Variants in NCAM2 observed in about 807,000 individuals in gnomAD.
The protein encoded by NCAM2 is N-CAM-2.
NCAM2 carries 30 observed loss-of-function variants against 98.1 expected under a neutral mutation model. The ratio of observed to expected loss-of-function variants is 0.31; its 90% CI spans 0.23 to 0.41. NCAM2 has a LOEUF of 0.41. NCAM2 is among the 10% of genes least tolerant of loss of function. The probability of loss-of-function intolerance (pLI) is 1.00; values close to 1 mark genes in which losing one functional copy is unlikely to be tolerated. For synonymous variants in NCAM2, 368 were observed against 342.4 expected (o/e 1.07, Z -0.83); for missense variants, 867 against 1,005.8 (o/e 0.86, Z 1.87).
chr21:21,438,337 A>C (rs1978699434), intron 12 of NCAM2, among the ~76,000 whole-genome samples: 1 of 152,058 alleles, frequency 6.6e-6, no homozygotes, highest in Admixed American at 6.6e-5. Flanking sequence ...GTAGATTCTA[A>C]TCTTAAATAA....
rs750515325 is a variant in NCAM2 at position 21,538,871 on chromosome 21, A to T, written c.*914A>T. ...AAGTCTTTAGTGTTCAAATACTTCA[A>T]ATCATATCCTCAGATATATTTTTAG... On this transcript the variant is annotated 3_prime_UTR_variant, in exon 18 of 18. Transcript: ENST00000400546. 1 of 152,162 alleles carries T rather than the reference A, an allele frequency of 6.6e-6. No individual in the cohort carries two copies. The highest frequency in any genetic ancestry group is 2.1e-4 in the South Asian group (1 of 4,832). 9.4% of individuals were successfully genotyped at this position (152,162 alleles called of 1,614,324 possible). A position where few individuals can be genotyped will look rare whatever the true frequency, so the allele number is the denominator to read the frequency against.
chr21:21,345,505 C>G (rs2075163077), intron 8 of NCAM2, among the ~76,000 whole-genome samples: 1 of 151,884 alleles, frequency 6.6e-6, no homozygotes, highest in Non-Finnish European at 1.5e-5. Context: ...GCATTAGAGT[C>G]CTTTAATAGC....
Position 21,472,994 on chromosome 21 carries a change from G to A in NCAM2, c.1896+4211G>A, listed in dbSNP as rs950428688. On this transcript the variant is annotated intron_variant, in intron 14 of 17. Coordinates refer to ENST00000400546, the MANE Select transcript of NCAM2 (RefSeq NM_004540.5). The stretch of plus-strand genomic sequence containing the variant: ...CACACACACACACACACACACACAC[G>A]CACACATACACACACACACACGTAT... 1.7e-4 allele frequency among the ~76,000 whole-genome samples: 20 copies of A among 115,828 alleles called. No individual in the cohort carries two copies. In the East Asian group the frequency reaches 1.8e-3, roughly 11 times the overall value. 76.0% of individuals were successfully genotyped at this position (115,828 alleles called of 152,430 possible).
intron 9 of NCAM2, among the ~76,000 whole-genome samples, chr21:21,395,234 T>G (rs1224041711): frequency 6.6e-6 from 1 of 152,006 alleles, no homozygotes; most frequent in East Asian, 1.9e-4. Flanking sequence ...CTTGGGAGGC[T>G]GAGGTAGGAG....
At chr21:21,393,442 C>T (rs1471298654) in intron 9 of NCAM2, among the ~76,000 whole-genome samples, 1 of 152,058 alleles carries the variant, frequency 6.6e-6, no homozygotes, top group Non-Finnish European at 1.5e-5. Context: ...AACGGTTGTC[C>T]TGTACAATTT....
chr21:21,347,569 A>C (rs1256176054), intron 8 of NCAM2, among the ~76,000 whole-genome samples: 1 of 152,072 alleles, frequency 6.6e-6, no homozygotes, highest in Non-Finnish European at 1.5e-5. Flanking sequence ...TATTCTACCA[A>C]ACATTTAAAG....
At chr21:21,529,236 G>A (rs944453839) in intron 16 of NCAM2, among the ~76,000 whole-genome samples, 3 of 151,958 alleles carry the variant, frequency 2.0e-5, no homozygotes, top group African/African-American at 7.3e-5. Context: ...ATATACATGG[G>A]CCCAAACTTG....
intron 1 of NCAM2, among the ~76,000 whole-genome samples, chr21:21,046,548 C>A (rs1161940292): frequency 6.6e-6 from 1 of 152,150 alleles, no homozygotes; most frequent in Non-Finnish European, 1.5e-5. Context: ...ACCAACACTT[C>A]CAACCAACAC....
In NCAM2 at chr21:21,468,616, T is replaced by A. The variant is rs147593920; in HGVS notation, c.1775-46T>A. 2.3e-3 allele frequency: 3,629 copies of A among 1,547,412 alleles called. 7 individuals are homozygous for A. The highest frequency in any genetic ancestry group is 2.9e-3 in the Non-Finnish European group (3,246 of 1,137,590). On this transcript the variant is annotated intron_variant, in intron 13 of 17. Transcript: ENST00000400546. Reference sequence around the variant, plus strand: ...TTTATTAAAATATAGTTTATCTAGGTATCTGAAATGTGTGCAAATGAAGAA... The same window carrying A: ...TTTATTAAAATATAGTTTATCTAGGAATCTGAAATGTGTGCAAATGAAGAA...
At chr21:21,269,650 CAAAAG>C (rs1568863677) in intron 1 of NCAM2, among the ~76,000 whole-genome samples, 1 of 152,104 alleles carries the variant, frequency 6.6e-6, no homozygotes, top group Non-Finnish European at 1.5e-5. Flanking sequence ...TGGCACTTAA[CAAAAG>C]AAATTAGTAT....
At chr21:21,418,434 G>A (rs2077038130) in intron 10 of NCAM2, 39 bp from the exon 11 acceptor site, 1 of 1,474,790 alleles carries the variant, frequency 6.8e-7, no homozygotes, top group Non-Finnish European at 9.5e-7. Flanking sequence ...CTTCTGTGAT[G>A]TTTTAGAATT....
chr21:21,275,406 C>T (rs1601839904), intron 1 of NCAM2, among the ~76,000 whole-genome samples: 1 of 151,366 alleles, frequency 6.6e-6, no homozygotes, highest in Non-Finnish European at 1.5e-5. Context: ...TGCCACTGCA[C>T]TCCAGCCTGG....
At chr21:21,355,441 G>A (rs190128017) in intron 8 of NCAM2, among the ~76,000 whole-genome samples, 25 of 114,308 alleles carry the variant, frequency 2.2e-4, no homozygotes, top group Non-Finnish European at 3.3e-4. Flanking sequence ...CAGCCTGAGT[G>A]ACAGTGACAG....
intron 1 of NCAM2, among the ~76,000 whole-genome samples, chr21:21,051,145 A>G (rs2065100065): frequency 1.3e-5 from 2 of 152,196 alleles, no homozygotes; most frequent in Admixed American, 6.5e-5. Flanking sequence ...AGATGGTCCC[A>G]TGTCCGAGGT....
intron 9 of NCAM2, among the ~76,000 whole-genome samples, chr21:21,381,434 T>C (rs2076152021): frequency 1.3e-5 from 2 of 152,328 alleles, no homozygotes; most frequent in South Asian, 4.1e-4. Flanking sequence ...TTTTCTGCCT[T>C]CTATTGAGTT....
chr21:21,298,387 T>G (rs1187572793), intron 5 of NCAM2, among the ~76,000 whole-genome samples: 1 of 151,502 alleles, frequency 6.6e-6, no homozygotes, highest in Non-Finnish European at 1.5e-5. Context: ...ATATATAAAT[T>G]TACCCAAATC....
chr21:21,400,895 C>A (rs1171010599), intron 9 of NCAM2, among the ~76,000 whole-genome samples: 1 of 152,050 alleles, frequency 6.6e-6, no homozygotes, highest in Non-Finnish European at 1.5e-5. Flanking sequence ...TTTATGTATC[C>A]TAAAAGTAAT....
intron 1 of NCAM2, among the ~76,000 whole-genome samples, chr21:21,106,662 TAGAAC>T (rs1432921289): frequency 6.6e-6 from 1 of 151,468 alleles, no homozygotes; most frequent in Non-Finnish European, 1.5e-5. Flanking sequence ...TGGTATTAAT[TAGAAC>T]AGAAGAAAAA....
chr21:21,308,450 T>G (rs2073948735), intron 5 of NCAM2, among the ~76,000 whole-genome samples: 1 of 152,188 alleles, frequency 6.6e-6, no homozygotes, highest in African/African-American at 2.4e-5. Flanking sequence ...TGAATCATTA[T>G]GTTTGCCTGA....
Sources: allele counts gnomAD v4.1 joint callset (sites outside exome capture counted in the v4.1 genomes callset), GRCh38; gene constraint gnomAD v4.1.1; transcripts MANE v1.5; gene names NCBI Gene and HGNC (gene_info 2026-07-23, HGNC 2026-07-21).